Variants in MAP7 observed in about 807,000 individuals in gnomAD.
MAP7 encodes the protein microtubule associated protein 7, also known as ensconsin.
In MAP7, 52 loss-of-function variants were observed where a neutral mutation model predicts 94.8. That is an observed-to-expected ratio of 0.55 (90% CI 0.44 to 0.69). The LOEUF (loss-of-function observed/expected upper bound fraction) is 0.69. Among genes scored for constraint, MAP7 ranks in the 30% least tolerant of loss-of-function variants. The pLI, the probability that MAP7 is intolerant of heterozygous loss-of-function variation, is 0.00. For missense variants in MAP7, 940 were observed against 964.6 expected (o/e 0.97, Z 0.34); for synonymous variants, 350 against 357.0 (o/e 0.98, Z 0.22).
chr6:136,422,373 G>GA (rs1409390631), intron 1 of MAP7, among the ~76,000 whole-genome samples: 1 of 152,198 alleles, frequency 6.6e-6, no homozygotes, highest in African/African-American at 2.4e-5. Context: ...TTTTGGGGGT[G>GA]GGGTGCTGGA....
At chr6:136,428,633 C>A (rs1395096523) in intron 1 of MAP7, among the ~76,000 whole-genome samples, 1 of 152,190 alleles carries the variant, frequency 6.6e-6, no homozygotes, top group Non-Finnish European at 1.5e-5. Flanking sequence ...AAAGATAATT[C>A]TATCAAAATA....
At chr6:136,401,310 C>T (rs543174664) in intron 3 of MAP7, among the ~76,000 whole-genome samples, 20 of 152,204 alleles carry the variant, frequency 1.3e-4, no homozygotes, top group Non-Finnish European at 2.6e-4. Flanking sequence ...TATGATTGCA[C>T]CACTGCACTC....
intron 1 of MAP7, among the ~76,000 whole-genome samples, chr6:136,514,341 T>G (rs905904143): frequency 4.6e-5 from 7 of 152,022 alleles, no homozygotes; most frequent in African/African-American, 7.2e-5. Flanking sequence ...TCCCAGCACG[T>G]TGGGAGGCCA....
intron 10 of MAP7, among the ~76,000 whole-genome samples, chr6:136,365,327 T>G (rs968400018): frequency 6.6e-6 from 1 of 152,216 alleles, no homozygotes; most frequent in Non-Finnish European, 1.5e-5. Flanking sequence ...AGTAGAAAAC[T>G]TTGGAATGAA....
chr6:136,364,389 G>A (rs1296202797), intron 10 of MAP7: 1 of 355,272 alleles, frequency 2.8e-6, no homozygotes, highest in Admixed American at 3.7e-5. Flanking sequence ...TCCAGCTGAG[G>A]AGAAGAAATA....
At chr6:136,383,631 G>T in intron 6 of MAP7, 40 bp downstream of exon 6, 1 of 1,128,030 alleles carries the variant, frequency 8.9e-7, no homozygotes, top group Non-Finnish European at 1.3e-6. Context: ...AAAGCATTAA[G>T]TAAATAACAG....
intron 16 of MAP7, 138 bp downstream of exon 16, chr6:136,356,554 C>G (rs1791002916): frequency 6.2e-6 from 4 of 643,654 alleles, no homozygotes; most frequent in Admixed American, 2.8e-5. Context: ...TCTTGGAGTA[C>G]AGAATTACTA....
At chr6:136,454,638 C>T (rs911830263) in intron 1 of MAP7, among the ~76,000 whole-genome samples, 4 of 151,494 alleles carry the variant, frequency 2.6e-5, no homozygotes, top group Non-Finnish European at 5.9e-5. Flanking sequence ...GGTGCAGTGG[C>T]TCACGCCTGA....
intron 6 of MAP7, among the ~76,000 whole-genome samples, chr6:136,381,877 T>TATACACACAC (rs1777836324): frequency 1.1e-5 from 1 of 92,956 alleles, no homozygotes; most frequent in African/African-American, 4.8e-5. Context: ...CTTCTAACCT[T>TATACACACAC]ACACACACAC....
At position 136,467,595 on chromosome 6, in the gene MAP7, A is replaced by G. The variant is rs1213138255; in HGVS notation, c.68-45796T>C. 3.9e-5 allele frequency among the ~76,000 whole-genome samples: 6 copies of G among 152,310 alleles called. No homozygotes were observed. The East Asian group carries it at 1.2e-3, about 29-fold the overall frequency. On this transcript the variant is annotated intron_variant, in intron 1 of 17. Coordinates refer to ENST00000354570, the MANE Select transcript of MAP7 (RefSeq NM_003980.6). ...TGGTCCTCAGAGTTTATCATTTTTTAGTCAGTGATATATTGCATTGTAAAC... is the reference window on the plus strand; with the variant it reads ...TGGTCCTCAGAGTTTATCATTTTTTGGTCAGTGATATATTGCATTGTAAAC...
chr6:136,392,146 G>A (rs1378297682), intron 3 of MAP7, among the ~76,000 whole-genome samples: 2 of 151,996 alleles, frequency 1.3e-5, no homozygotes, highest in Non-Finnish European at 2.9e-5. Context: ...GGCACAATCA[G>A]GGCTCACTGC....
chr6:136,478,979 C>CAAAAAAAAAAAAA (rs59319740), intron 1 of MAP7, among the ~76,000 whole-genome samples: 31 of 45,252 alleles, frequency 6.9e-4, no homozygotes, highest in East Asian at 1.6e-3. Context: ...ACAGACACAT[C>CAAAAAAAAAAAAA]AAAAAAAAAA....
At position 136,345,755 on chromosome 6, in the gene MAP7, CAA is replaced by C. The variant is rs1787504819; in HGVS notation, c.2239+99_2239+100del. Reference sequence around the variant, plus strand: ...GTGGCTTACTTGGTCCTTTGAAGAACAAAGTGTTACCACAATCATACTGTAGA... The same window carrying C: ...GTGGCTTACTTGGTCCTTTGAAGAACAGTGTTACCACAATCATACTGTAGA... On this transcript the variant is annotated intron_variant, in intron 17 of 17. Coordinates refer to ENST00000354570, the MANE Select transcript of MAP7 (RefSeq NM_003980.6). 1.5e-5 allele frequency: 15 copies of C among 991,266 alleles called. No individual in the cohort carries two copies. In the South Asian group the frequency reaches 1.9e-4, roughly 13 times the overall value. The allele number at this position is 991,266 out of a possible 1,614,324, so 61.4% of individuals were successfully genotyped here.
chr6:136,368,223 C>G (rs1182690043), intron 8 of MAP7, among the ~76,000 whole-genome samples: 4 of 151,352 alleles, frequency 2.6e-5, no homozygotes, highest in African/African-American at 7.3e-5. Context: ...CTTTTTTAAA[C>G]CTTTCAGTCC....
At chr6:136,448,051 G>T (rs531089705) in intron 1 of MAP7, among the ~76,000 whole-genome samples, 1 of 152,068 alleles carries the variant, frequency 6.6e-6, no homozygotes, top group Non-Finnish European at 1.5e-5. Context: ...AATTAGCTGG[G>T]CGTGGTGGCA....
At chr6:136,426,781 G>C (rs186390030) in intron 1 of MAP7, among the ~76,000 whole-genome samples, 1 of 152,308 alleles carries the variant, frequency 6.6e-6, no homozygotes, top group East Asian at 1.9e-4. Flanking sequence ...ATGTCTCTTT[G>C]AATTCTGAGA....
chr6:136,404,557 G>A (rs1328273155), intron 3 of MAP7, among the ~76,000 whole-genome samples: 4 of 152,128 alleles, frequency 2.6e-5, no homozygotes, highest in Non-Finnish European at 4.4e-5. Context: ...AGATTTGTAA[G>A]TTGACATTTT....
intron 1 of MAP7, among the ~76,000 whole-genome samples, chr6:136,453,784 TA>T (rs1031949379): frequency 6.6e-6 from 1 of 152,218 alleles, no homozygotes; most frequent in African/African-American, 2.4e-5. Context: ...TATAATTTGG[TA>T]AAATAACATG....
chr6:136,442,985 T>C (rs1798302958), intron 1 of MAP7, among the ~76,000 whole-genome samples: 1 of 152,198 alleles, frequency 6.6e-6, no homozygotes, highest in Non-Finnish European at 1.5e-5. Flanking sequence ...ATAACCATAC[T>C]AAGGATAAGT....
Sources: gnomAD v4.1 joint callset for allele counts (sites outside exome capture counted in the v4.1 genomes callset) on GRCh38, gnomAD v4.1.1 for gene constraint, MANE v1.5 for transcripts, NCBI Gene and HGNC (gene_info 2026-07-23, HGNC 2026-07-21) for gene names.